ACOXL: variants seen among roughly 807,000 people sequenced by gnomAD.
ACOXL encodes the protein acyl-coenzyme A oxidase-like protein.
In ACOXL, 70 loss-of-function variants were observed where a neutral mutation model predicts 71.9. The ratio of observed to expected loss-of-function variants is 0.97; its 90% CI spans 0.80 to 1.19. ACOXL has a LOEUF of 1.19. Ranked by LOEUF, ACOXL falls within the 50% of genes most tolerant of loss-of-function variation. The pLI, the probability that ACOXL is intolerant of heterozygous loss-of-function variation, is 0.00. For synonymous variants in ACOXL, 253 were observed against 281.6 expected, an observed-to-expected ratio of 0.90 and a Z score of 1.02; for missense variants, 703 against 736.3, an observed-to-expected ratio of 0.95 and a Z score of 0.52.
At chr2:110,752,505 A>G (rs1292624091) in intron 1 of ACOXL, among the ~76,000 whole-genome samples, 1 of 151,370 alleles carries the variant, frequency 6.6e-6, no homozygotes, top group Non-Finnish European at 1.5e-5. Flanking sequence ...ATAAGGCAGG[A>G]TAGCAGCTAG....
chr2:110,817,952 C>CTTTTTTT (rs1193171202), intron 9 of ACOXL, among the ~76,000 whole-genome samples: 1 of 115,768 alleles, frequency 8.6e-6, no homozygotes, highest in Non-Finnish European at 1.8e-5. Context: ...ATGCTCCTGA[C>CTTTTTTT]TTTTTTTTTT....
At chr2:110,753,137 T>A (rs1224390899) in intron 1 of ACOXL, among the ~76,000 whole-genome samples, 1 of 152,102 alleles carries the variant, frequency 6.6e-6, no homozygotes, top group Admixed American at 6.5e-5. Flanking sequence ...TTTAAATGAC[T>A]CTGGCACCTC....
intron 10 of ACOXL, among the ~76,000 whole-genome samples, chr2:110,873,244 CAG>C (rs924809936): frequency 2.0e-5 from 3 of 152,050 alleles, no homozygotes; most frequent in Non-Finnish European, 4.4e-5. Flanking sequence ...CCTCGGGCAA[CAG>C]GGGGCTGGTG....
At chr2:110,967,759 A>G (rs1437228336) in intron 12 of ACOXL, 2 of 587,266 alleles carry the variant, frequency 3.4e-6, no homozygotes, top group Non-Finnish European at 6.1e-6. Context: ...AAAGGATATG[A>G]AAGAACTGAA....
At chr2:110,838,983 G>C (rs1387710457) in intron 9 of ACOXL, among the ~76,000 whole-genome samples, 1 of 152,158 alleles carries the variant, frequency 6.6e-6, no homozygotes, top group African/African-American at 2.4e-5. Flanking sequence ...TCCTTAACAA[G>C]GTGTCCTTTT....
At chr2:110,745,154 G>A (rs1678040997) in intron 1 of ACOXL, among the ~76,000 whole-genome samples, 1 of 152,214 alleles carries the variant, frequency 6.6e-6, no homozygotes, top group South Asian at 2.1e-4. Flanking sequence ...TTGGCCTCAG[G>A]TGTGGAGGCT....
intron 12 of ACOXL, among the ~76,000 whole-genome samples, chr2:110,960,789 A>G (rs756979240): frequency 2.0e-5 from 3 of 152,160 alleles, no homozygotes; most frequent in Non-Finnish European, 2.9e-5. Flanking sequence ...ATGCAGACAC[A>G]GATGCATAAA....
intron 8 of ACOXL, among the ~76,000 whole-genome samples, chr2:110,802,007 C>CA (rs1242173565): frequency 6.6e-6 from 1 of 152,140 alleles, no homozygotes; most frequent in Admixed American, 6.5e-5. Context: ...AGAGAGGTGT[C>CA]AGATTTTTAC....
chr2:110,893,069 T>C lies in ACOXL; in HGVS notation c.789-15720T>C, dbSNP rs549066951. On this transcript the variant is annotated intron_variant, in intron 10 of 17. Transcript: ENST00000439055. ...GCAAAGTACAATAAGTGACCCAACA[T>C]TTCATACAGTTAAAAAATGCTTCTA... is the stretch of plus-strand genomic sequence containing the variant. 5.3e-5 allele frequency among the ~76,000 whole-genome samples: 8 copies of C among 152,298 alleles called. No individual in the cohort carries two copies. In the South Asian group the frequency reaches 6.2e-4, roughly 12 times the overall value.
At chr2:110,780,128 A>C (rs1296178540) in intron 2 of ACOXL, among the ~76,000 whole-genome samples, 1 of 152,248 alleles carries the variant, frequency 6.6e-6, no homozygotes, top group East Asian at 1.9e-4. Context: ...CTTGACAATA[A>C]AAAGACAAAC....
chr2:111,033,852 G>A (rs1051972692), intron 15 of ACOXL, among the ~76,000 whole-genome samples: 1 of 152,130 alleles, frequency 6.6e-6, no homozygotes, highest in African/African-American at 2.4e-5. Flanking sequence ...CACAGATATC[G>A]CCCTTCCTGG....
intron 10 of ACOXL, among the ~76,000 whole-genome samples, chr2:110,907,763 A>T (rs1056403323): frequency 1.8e-4 from 27 of 152,202 alleles, no homozygotes; most frequent in Admixed American, 3.3e-4. Flanking sequence ...TTAAACACTA[A>T]AAAGATTATG....
intron 15 of ACOXL, among the ~76,000 whole-genome samples, chr2:111,048,657 T>C (rs2066138898): frequency 6.6e-6 from 1 of 152,146 alleles, no homozygotes; most frequent in East Asian, 1.9e-4. Context: ...ACTAAAACTT[T>C]TTTTTTTTCT....
chr2:110,963,123 A>G (rs2061768456), intron 12 of ACOXL, among the ~76,000 whole-genome samples: 1 of 152,182 alleles, frequency 6.6e-6, no homozygotes, highest in South Asian at 2.1e-4. Context: ...GTGAGAATTG[A>G]TGGCGCAGAG....
At chr2:110,828,816 A>T (rs1343100838) in intron 9 of ACOXL, among the ~76,000 whole-genome samples, 2 of 145,298 alleles carry the variant, frequency 1.4e-5, no homozygotes, top group African/African-American at 2.5e-5. Context: ...CTATCTTGCT[A>T]TTTTTTTTTT....
At chr2:110,926,905 C>T (rs1363849974) in intron 11 of ACOXL, among the ~76,000 whole-genome samples, 2 of 152,156 alleles carry the variant, frequency 1.3e-5, no homozygotes, top group Admixed American at 1.3e-4. Context: ...TTCCTACTTG[C>T]CAGCTGCCTC....
intron 4 of ACOXL, 147 bp from the exon 5 acceptor site, chr2:110,793,929 C>T (rs1423326047): frequency 1.2e-6 from 1 of 844,130 alleles, no homozygotes; most frequent in Non-Finnish European, 1.9e-6. Flanking sequence ...TTGTTAAGCT[C>T]ACATTCGCTG....
At chr2:110,815,385 T>C (rs1687798640) in intron 9 of ACOXL, among the ~76,000 whole-genome samples, 2 of 152,242 alleles carry the variant, frequency 1.3e-5, no homozygotes, top group Admixed American at 1.3e-4. Context: ...TTTTGTCTAT[T>C]GTATGAAATC....
chr2:110,882,166 T>C (rs554541378), intron 10 of ACOXL, among the ~76,000 whole-genome samples: 7 of 152,310 alleles, frequency 4.6e-5, no homozygotes, highest in Middle Eastern at 3.4e-3. Context: ...GTGATTCCAA[T>C]AGTGTGTAGT....
Sources: gnomAD v4.1 joint callset for allele counts (sites outside exome capture counted in the v4.1 genomes callset) on GRCh38, gnomAD v4.1.1 for gene constraint, MANE v1.5 for transcripts, NCBI Gene and HGNC (gene_info 2026-07-23, HGNC 2026-07-21) for gene names.